Variants in ALCAM observed in about 807,000 individuals in gnomAD.
ALCAM encodes activated leukocyte cell adhesion molecule, also known as CD166 antigen.
A neutral mutation model predicts 70.9 loss-of-function variants in ALCAM; 30 were observed. The observed-to-expected ratio is 0.42, with a 90% CI of 0.32 to 0.57. The LOEUF (loss-of-function observed/expected upper bound fraction) is 0.57. Ranked by LOEUF, ALCAM falls within the 20% of genes least tolerant of loss-of-function variation. ALCAM has a pLI of 0.11. For missense variants in ALCAM, 591 were observed against 695.1 expected, an observed-to-expected ratio of 0.85 and a Z score of 1.68; for synonymous variants, 249 against 242.5, an observed-to-expected ratio of 1.03 and a Z score of -0.25.
At chr3:105,478,890 C>T (rs901018166) in intron 1 of ALCAM, among the ~76,000 whole-genome samples, 2 of 151,902 alleles carry the variant, frequency 1.3e-5, no homozygotes, top group Admixed American at 1.3e-4. Flanking sequence ...TAATAAATAA[C>T]CTCAGATTGG....
At chr3:105,465,572 T>G (rs1472366831) in intron 1 of ALCAM, among the ~76,000 whole-genome samples, 1 of 151,480 alleles carries the variant, frequency 6.6e-6, no homozygotes, top group Non-Finnish European at 1.5e-5. Flanking sequence ...GCAGAAAATC[T>G]GAAAGTAGCC....
intron 1 of ALCAM, among the ~76,000 whole-genome samples, chr3:105,466,093 C>T (rs1288179753): frequency 6.6e-6 from 1 of 151,282 alleles, no homozygotes; most frequent in African/African-American, 2.4e-5. Flanking sequence ...ATTTATTGTA[C>T]CATTTATTTC....
chr3:105,526,777 G>A (rs1476907555), intron 3 of ALCAM, among the ~76,000 whole-genome samples: 2 of 152,264 alleles, frequency 1.3e-5, no homozygotes, highest in South Asian at 2.1e-4. Flanking sequence ...AAGCAGCTGT[G>A]ACAGGGAGAC....
intron 3 of ALCAM, chr3:105,524,783 A>T (rs928483972): frequency 1.3e-4 from 151 of 1,165,432 alleles, no homozygotes; most frequent in Non-Finnish European, 1.5e-4. Context: ...ACTACTACTG[A>T]TAACTAGCAG....
intron 14 of ALCAM, among the ~76,000 whole-genome samples, chr3:105,560,736 T>C (rs1940613538): frequency 6.6e-6 from 1 of 152,162 alleles, no homozygotes; most frequent in Admixed American, 6.5e-5. Flanking sequence ...TGTTTGGTTT[T>C]TGGGTTTGCT....
intron 1 of ALCAM, among the ~76,000 whole-genome samples, chr3:105,498,675 AAG>A (rs1436008204): frequency 6.6e-6 from 1 of 152,192 alleles, no homozygotes; most frequent in Non-Finnish European, 1.5e-5. Flanking sequence ...TCCACTATCC[AAG>A]AGAGGCAAAT....
chr3:105,452,851 G>A (rs1356208011), intron 1 of ALCAM, among the ~76,000 whole-genome samples: 4 of 152,062 alleles, frequency 2.6e-5, no homozygotes, highest in African/African-American at 7.2e-5. Flanking sequence ...TCATATGTTT[G>A]TTGGCTGCAT....
intron 1 of ALCAM, among the ~76,000 whole-genome samples, chr3:105,507,165 C>T (rs1253585342): frequency 5.9e-5 from 9 of 152,060 alleles, no homozygotes; most frequent in Admixed American, 1.3e-4. Flanking sequence ...CCTATATAGG[C>T]CCGCAATTCC....
At chr3:105,489,161 G>C (rs1298667138) in intron 1 of ALCAM, among the ~76,000 whole-genome samples, 2 of 152,266 alleles carry the variant, frequency 1.3e-5, no homozygotes, top group East Asian at 3.9e-4. Context: ...TCCCTGAAGA[G>C]TTTTCTGTTG....
intron 1 of ALCAM, among the ~76,000 whole-genome samples, chr3:105,420,044 C>T (rs757767166): frequency 2.0e-5 from 3 of 151,468 alleles, no homozygotes; most frequent in Admixed American, 6.6e-5. Context: ...ATAAAAAAAC[C>T]GTTTTGGAAT....
At chr3:105,464,194 C>T (rs1937652189) in intron 1 of ALCAM, among the ~76,000 whole-genome samples, 1 of 151,018 alleles carries the variant, frequency 6.6e-6, no homozygotes, top group African/African-American at 2.4e-5. Flanking sequence ...TTAATTAAAA[C>T]TTTTACTAAA....
intron 1 of ALCAM, among the ~76,000 whole-genome samples, chr3:105,412,405 A>G (rs2107396963): frequency 6.6e-6 from 1 of 152,282 alleles, no homozygotes; most frequent in East Asian, 1.9e-4. Context: ...GCAGTACTTG[A>G]AATTTAAGCA....
intron 4 of ALCAM, among the ~76,000 whole-genome samples, chr3:105,533,345 T>C (rs1939888421): frequency 6.6e-6 from 1 of 152,198 alleles, no homozygotes; most frequent in Non-Finnish European, 1.5e-5. Flanking sequence ...TTCAAATGAA[T>C]GTGATTTTAT....
chr3:105,567,434 T>A (rs1470879312), intron 14 of ALCAM, among the ~76,000 whole-genome samples: 1 of 150,298 alleles, frequency 6.7e-6, no homozygotes, highest in Non-Finnish European at 1.5e-5. Flanking sequence ...TCTGCTCACT[T>A]TTTTTTTTTC....
At chr3:105,571,706 AG>A in intron 14 of ALCAM, 145 bp from the exon 15 acceptor site, 2 of 583,302 alleles carry the variant, frequency 3.4e-6, no homozygotes, top group Non-Finnish European at 6.0e-6. Context: ...TTATCAGTCA[AG>A]GCTCACAGAT....
chr3:105,381,671 A>G (rs915307082), intron 1 of ALCAM, among the ~76,000 whole-genome samples: 35 of 152,046 alleles, frequency 2.3e-4, no homozygotes, highest in African/African-American at 8.2e-4. Context: ...TAAGTAGGCC[A>G]TAGGTAACTT....
intron 3 of ALCAM, among the ~76,000 whole-genome samples, chr3:105,530,786 A>G (rs1367971247): frequency 6.6e-6 from 1 of 152,048 alleles, no homozygotes; most frequent in Non-Finnish European, 1.5e-5. Context: ...AATTAACTCT[A>G]GATATTAACC....
chr3:105,470,433 A>T (rs1010118037), intron 1 of ALCAM, among the ~76,000 whole-genome samples: 1 of 151,268 alleles, frequency 6.6e-6, no homozygotes, highest in African/African-American at 2.4e-5. Flanking sequence ...TGGCTTAATT[A>T]ATAGGATAAG....
At chr3:105,408,505 A>G (rs1035859850) in intron 1 of ALCAM, among the ~76,000 whole-genome samples, 2 of 152,144 alleles carry the variant, frequency 1.3e-5, no homozygotes, top group Admixed American at 6.6e-5. Context: ...CCACATGTGG[A>G]AGAATGAAAC....
Sources: allele counts gnomAD v4.1 joint callset (sites outside exome capture counted in the v4.1 genomes callset), GRCh38; gene constraint gnomAD v4.1.1; transcripts MANE v1.5; gene names NCBI Gene and HGNC (gene_info 2026-07-23, HGNC 2026-07-21).